The following ST6GALNAC1 variants were observed in gnomAD, a reference collection of about 807,000 sequenced individuals.
The protein encoded by ST6GALNAC1 is ST6 N-acetylgalactosaminide alpha-2,6-sialyltransferase 1, also known as alpha-N-acetylgalactosaminide alpha-2,6-sialyltransferase 1.
In ST6GALNAC1, 45 loss-of-function variants were observed where a neutral mutation model predicts 56.8. The ratio of observed to expected loss-of-function variants is 0.79; its 90% CI spans 0.62 to 1.02. The LOEUF (loss-of-function observed/expected upper bound fraction) is 1.02. Ranked by LOEUF, ST6GALNAC1 falls within the 50% of genes least tolerant of loss-of-function variation. The pLI is 0.00. For missense variants in ST6GALNAC1, 743 were observed against 754.8 expected, an observed-to-expected ratio of 0.98 and a Z score of 0.18; for synonymous variants, 295 against 297.8, an observed-to-expected ratio of 0.99 and a Z score of 0.10.
chr17:76,638,442 T>C (rs1483868095), intron 1 of ST6GALNAC1, among the ~76,000 whole-genome samples: 1 of 152,046 alleles, frequency 6.6e-6, no homozygotes, highest in Admixed American at 6.6e-5. Flanking sequence ...AGTAGAGCAA[T>C]CTTAGCTCAC....
chr17:76,620,303 G>A (rs760174185), downstream of ST6GALNAC1, among the ~76,000 whole-genome samples: 1 of 152,132 alleles, frequency 6.6e-6, no homozygotes, highest in Non-Finnish European at 1.5e-5. Flanking sequence ...GTCTCCCAAA[G>A]TGCTGGGATT....
chr17:76,637,568 A>C (rs558094157), intron 1 of ST6GALNAC1: 41 of 397,364 alleles, frequency 1.0e-4, no homozygotes, highest in African/African-American at 7.8e-4. Flanking sequence ...TCAAAAAAAC[A>C]GAACAAAAAA....
downstream of ST6GALNAC1, among the ~76,000 whole-genome samples, chr17:76,624,336 G>A (rs1333940964): frequency 6.6e-6 from 1 of 151,956 alleles, no homozygotes; most frequent in Non-Finnish European, 1.5e-5. Flanking sequence ...CTGCAACTCT[G>A]CCCCCCAGGT....
chr17:76,622,896 C>T (rs530628446), downstream of ST6GALNAC1, among the ~76,000 whole-genome samples: 177 of 151,622 alleles, frequency 1.2e-3, no homozygotes, highest in Admixed American at 1.3e-3. Flanking sequence ...TGGGTTCAAG[C>T]GATTCTCCTG....
rs563903013 is a variant in ST6GALNAC1, at chr17:76,627,969, C to T, written c.832-386G>A. On this transcript the variant is annotated intron_variant, in intron 2 of 8. Transcript: ENST00000156626. This position sits in a 1 kb window ranked among gnomAD's most constrained non-coding sequence, Gnocchi z 4.4. ...AAAATTAGCCGGGCGTGGTGGCGGG[C>T]GCCTGTAGTTCCAGCTACTCGGGAG... Among the ~76,000 whole-genome samples, 102 of 151,940 alleles carry T rather than the reference C, an allele frequency of 6.7e-4. No homozygotes were observed. The highest frequency in any genetic ancestry group is 2.4e-3 in the African/African-American group (100 of 41,452).
At chr17:76,629,846 G>A (rs1396023589) in intron 1 of ST6GALNAC1, 135 bp from the exon 2 acceptor site, 4 of 660,670 alleles carry the variant, frequency 6.1e-6, no homozygotes, top group Non-Finnish European at 5.0e-6. Flanking sequence ...GCAGTGGTAC[G>A]ATTTCAGCTC....
intron 1 of ST6GALNAC1, among the ~76,000 whole-genome samples, chr17:76,639,982 G>C (rs1312987891): frequency 1.3e-5 from 2 of 152,068 alleles, no homozygotes; most frequent in East Asian, 1.9e-4. Flanking sequence ...TTCGGCTTCT[G>C]TCTGATGTTG....
At chr17:76,618,780 C>CTAAAAA in the ST6GALNAC1 span, among the ~76,000 whole-genome samples, 1 of 137,550 alleles carries the variant, frequency 7.3e-6, no homozygotes, top group African/African-American at 2.7e-5. Context: ...GACTCCATAT[C>CTAAAAA]AAAAAAAAAA....
chr17:76,621,956 TTTG>T (rs930509583), downstream of ST6GALNAC1, among the ~76,000 whole-genome samples: 4 of 150,174 alleles, frequency 2.7e-5, no homozygotes, highest in African/African-American at 9.7e-5. Flanking sequence ...TTTTTTTTTT[TTTG>T]TTGTTTTTGT....
intron 1 of ST6GALNAC1, among the ~76,000 whole-genome samples, chr17:76,630,862 T>C (rs1266551205): frequency 6.6e-6 from 1 of 151,492 alleles, no homozygotes; most frequent in Non-Finnish European, 1.5e-5. Flanking sequence ...GTGCTGGGAT[T>C]TTACAGGCGT....
chr17:76,636,709 C>T (rs916454668), intron 1 of ST6GALNAC1, among the ~76,000 whole-genome samples: 10 of 151,936 alleles, frequency 6.6e-5, no homozygotes, highest in African/African-American at 2.4e-4. Context: ...CGCCTCTGAC[C>T]GCCGCCCCGT....
chr17:76,639,973 T>C (rs940904823), intron 1 of ST6GALNAC1, among the ~76,000 whole-genome samples: 1 of 152,014 alleles, frequency 6.6e-6, no homozygotes, highest in Non-Finnish European at 1.5e-5. Flanking sequence ...TGAGGTTCTT[T>C]CGGCTTCTGT....
chr17:76,618,485 A>G, the ST6GALNAC1 span, among the ~76,000 whole-genome samples: 2 of 152,148 alleles, frequency 1.3e-5, no homozygotes, highest in African/African-American at 4.8e-5. Flanking sequence ...ATTGAAAGCT[A>G]TAAATTTTTT....
At chr17:76,636,974 A>G (rs960906465) in intron 1 of ST6GALNAC1, among the ~76,000 whole-genome samples, 52 of 151,942 alleles carry the variant, frequency 3.4e-4, no homozygotes, top group African/African-American at 1.2e-3. Context: ...CTTACCCCCA[A>G]CCCCGTGCTC....
Position 76,627,679 on chromosome 17 carries a change from G to T in ST6GALNAC1, c.832-96C>A. Reference sequence around the variant, plus strand: ...CAGCAAGGGCTGGGGCTCGCAGTTTGGAAGGCGCGGCCTCTGCTACCTCTT... The same window carrying T: ...CAGCAAGGGCTGGGGCTCGCAGTTTTGAAGGCGCGGCCTCTGCTACCTCTT... On this transcript the variant is annotated intron_variant, in intron 2 of 8. Coordinates refer to ENST00000156626, the MANE Select transcript of ST6GALNAC1 (RefSeq NM_018414.5). The surrounding 1 kb of genome is among the most constrained non-coding windows in gnomAD (Gnocchi z 4.4). 1 of 1,165,470 alleles carries T rather than the reference G, an allele frequency of 8.6e-7. No homozygotes were observed. Among genetic ancestry groups the T allele is most frequent in the African/African-American group, 1.5e-5 (1 of 65,362 alleles). The allele number at this position is 1,165,470 out of a possible 1,614,324, so 72.2% of individuals were successfully genotyped here.
Position 76,626,113 on chromosome 17 carries a change from T to C in ST6GALNAC1, c.1416-18A>G. 1 of 1,612,582 alleles carries C rather than the reference T, an allele frequency of 6.2e-7. No individual in the cohort carries two copies. Among genetic ancestry groups the C allele is most frequent in the Non-Finnish European group, 8.5e-7 (1 of 1,178,902 alleles). On this transcript the variant is annotated intron_variant, in intron 6 of 8. Coordinates refer to ENST00000156626, the MANE Select transcript of ST6GALNAC1 (RefSeq NM_018414.5). ...GTCTGTGCCTGTGGTTAGGAAGGGG[T>C]CATTCAGACTCAGCTCCCTTACCTG... is the stretch of plus-strand genomic sequence containing the variant.
chr17:76,626,349 T>G lies in ST6GALNAC1; in HGVS notation c.1355A>C (p.Glu452Ala). The G allele has an allele frequency of 6.2e-7, 1 of 1,614,168 alleles. No individual in the cohort carries two copies. The highest frequency in any genetic ancestry group is 1.3e-5 in the African/African-American group (1 of 75,038). The change falls in exon 6 of 9, where the codon GAG (glutamate) becomes GCG (alanine). Residue 452 changes from glutamate (E) to alanine (A), a missense_variant. Physicochemically the swap from Glu to Ala is moderately radical, Grantham distance 107 (BLOSUM62 -1). Transcript: ENST00000156626. ...LHFLEGTRDY[E>A]WLEALLMNQT... ...ATTCATAAGCAGTGCTTCCAGCCAC[T>G]CATAGTCCCGGGTGCCTTCCAGGAA...
intron 1 of ST6GALNAC1, chr17:76,637,396 T>A: frequency 9.6e-6 from 2 of 208,446 alleles, no homozygotes; most frequent in Non-Finnish European, 9.1e-6. Context: ...CAAGGGTCCC[T>A]CATGTTGTCC....
chr17:76,643,560 A>G lies in ST6GALNAC1; in HGVS notation c.79T>C (p.Phe27Leu). 6.2e-7 allele frequency: 1 copy of G among 1,614,178 alleles called. No homozygotes were observed. The highest frequency in any genetic ancestry group is 8.5e-7 in the Non-Finnish European group (1 of 1,179,980). ...ATAAAAGAGGGCAAGGCGAAGAGAAAGAAGACCAGGACAGCCAGAAGCAAG... is the reference window on the plus strand; with the variant it reads ...ATAAAAGAGGGCAAGGCGAAGAGAAGGAAGACCAGGACAGCCAGAAGCAAG... Reference protein sequence around the residue: ...WSLLLAVLVFFLFALPSFIKE... With the variant: ...WSLLLAVLVFLLFALPSFIKE... Residue 27 changes from phenylalanine (F) to leucine (L), a missense_variant, in exon 1 of 9, where the codon TTT (phenylalanine) becomes CTT (leucine). Physicochemically the swap from Phe to Leu is conservative, Grantham distance 22 (BLOSUM62 0). Coordinates refer to ENST00000156626, the MANE Select transcript of ST6GALNAC1 (RefSeq NM_018414.5).
Sources: gnomAD v4.1 joint callset for allele counts (sites outside exome capture counted in the v4.1 genomes callset) on GRCh38, gnomAD v4.1.1 for gene constraint, Gnocchi (gnomAD v3.1) non-coding constraint, MANE v1.5 for transcripts, NCBI Gene and HGNC (gene_info 2026-07-23, HGNC 2026-07-21) for gene names.